The following REEP3 variants were observed in gnomAD, a reference collection of about 807,000 sequenced individuals.
The protein encoded by REEP3 is receptor accessory protein 3.
Under a neutral mutation model 41.3 loss-of-function variants are expected in REEP3, and 20 were observed. That is an observed-to-expected ratio of 0.48 (90% CI 0.34 to 0.70). The LOEUF (loss-of-function observed/expected upper bound fraction) is 0.70, where lower values mean the gene tolerates loss of function less well. REEP3 is among the 30% of genes least tolerant of loss of function. The pLI, the probability that REEP3 is intolerant of heterozygous loss-of-function variation, is 0.01. For synonymous variants in REEP3, 104 were observed against 101.8 expected (o/e 1.02, Z -0.13); for missense variants, 271 against 308.8 (o/e 0.88, Z 0.92).
intron 1 of REEP3, among the ~76,000 whole-genome samples, chr10:63,556,622 TTTTGTTG>T (rs1564477594): frequency 1.3e-4 from 11 of 82,128 alleles, no homozygotes; most frequent in East Asian, 1.0e-3. Flanking sequence ...TTGTTTTTTT[TTTTGTTG>T]TTTTGTTTTT....
intron 1 of REEP3, among the ~76,000 whole-genome samples, chr10:63,538,335 T>C (rs1955494538): frequency 6.6e-6 from 1 of 152,230 alleles, no homozygotes; most frequent in African/African-American, 2.4e-5. Context: ...GCCCAGAATC[T>C]GGATGGTTCT....
chr10:63,584,637 G>A (rs12765951), intron 2 of REEP3, among the ~76,000 whole-genome samples: 8 of 148,106 alleles, frequency 5.4e-5, no homozygotes, highest in African/African-American at 1.5e-4. Flanking sequence ...ATGATGGAGT[G>A]GGGGGGGAAT....
At chr10:63,575,133 C>T (rs1955887452) in intron 2 of REEP3, among the ~76,000 whole-genome samples, 2 of 152,104 alleles carry the variant, frequency 1.3e-5, no homozygotes, top group Admixed American at 1.3e-4. Context: ...AGATAACAGG[C>T]ATTAGCCACC....
intron 1 of REEP3, among the ~76,000 whole-genome samples, chr10:63,551,983 C>A (rs1375001624): frequency 1.3e-5 from 2 of 152,108 alleles, no homozygotes; most frequent in Admixed American, 6.5e-5. Context: ...TTCTGCAAAA[C>A]TGTTCTAAAA....
chr10:63,594,652 G>T, intron 2 of REEP3, 126 bp from the exon 3 acceptor site: 1 of 661,810 alleles, frequency 1.5e-6, no homozygotes, highest in South Asian at 1.9e-5. Flanking sequence ...AACATACTAT[G>T]TATCCAGAAA....
At chr10:63,568,650 ATTTTTT>A (rs10622553) in intron 2 of REEP3, among the ~76,000 whole-genome samples, 2 of 109,168 alleles carry the variant, frequency 1.8e-5, no homozygotes, top group Non-Finnish European at 3.6e-5. Flanking sequence ...ACAACCCAGA[ATTTTTT>A]TTTTTTTTTT....
intron 1 of REEP3, among the ~76,000 whole-genome samples, chr10:63,536,329 C>A (rs1288595167): frequency 6.6e-6 from 1 of 152,144 alleles, no homozygotes; most frequent in East Asian, 1.9e-4. Context: ...CATATCATCA[C>A]CCTATCAAGA....
At chr10:63,560,211 A>G (rs754430282) in intron 1 of REEP3, among the ~76,000 whole-genome samples, 1 of 152,162 alleles carries the variant, frequency 6.6e-6, no homozygotes, top group Non-Finnish European at 1.5e-5. Context: ...TTTGTTTTTC[A>G]TAATACTTTT....
intron 1 of REEP3, among the ~76,000 whole-genome samples, chr10:63,526,743 A>T (rs2133335762): frequency 6.6e-6 from 1 of 152,182 alleles, no homozygotes; most frequent in East Asian, 1.9e-4. Context: ...GTTACTTGAT[A>T]ATTTACTTGT....
chr10:63,594,933 T>A (rs1956099957), intron 3 of REEP3, 79 bp downstream of exon 3: 2 of 888,824 alleles, frequency 2.3e-6, no homozygotes, highest in Non-Finnish European at 3.8e-6. Flanking sequence ...CTCTTGCTAT[T>A]AACTGAGTGA....
At chr10:63,611,983 C>A (rs1184019050) in intron 6 of REEP3, among the ~76,000 whole-genome samples, 1 of 151,564 alleles carries the variant, frequency 6.6e-6, no homozygotes, top group Admixed American at 6.6e-5. Context: ...AATGAGCTTT[C>A]TTCCAAGAAT....
intron 3 of REEP3, among the ~76,000 whole-genome samples, chr10:63,595,231 C>T (rs1032536362): frequency 6.6e-5 from 10 of 152,194 alleles, no homozygotes; most frequent in Admixed American, 6.5e-4. Context: ...CCTCCCTATC[C>T]TATCCTTAAA....
intron 1 of REEP3, among the ~76,000 whole-genome samples, chr10:63,558,242 A>G (rs1326409370): frequency 6.6e-6 from 1 of 152,220 alleles, no homozygotes; most frequent in Non-Finnish European, 1.5e-5. Flanking sequence ...GATGACAGAT[A>G]GGTTTACCTA....
At position 63,521,594 on chromosome 10, in the gene REEP3, GC is replaced by G; in HGVS notation, c.32+18del. 7.1e-7 allele frequency: 1 copy of G among 1,400,186 alleles called. No individual in the cohort carries two copies. Among genetic ancestry groups the G allele is most frequent in the Non-Finnish European group, 9.4e-7 (1 of 1,063,570 alleles). 86.7% of individuals were successfully genotyped at this position (1,400,186 alleles called of 1,614,324 possible). Reference sequence around the variant, plus strand: ...AGCCGTGGTGTAAGTGCCTCTCACTGCGCCCTGCAGCCGGCGCGAGGCCCAG... The same window carrying G: ...AGCCGTGGTGTAAGTGCCTCTCACTGGCCCTGCAGCCGGCGCGAGGCCCAG... On this transcript the variant is annotated intron_variant, in intron 1 of 7. Transcript: ENST00000373758.
intron 4 of REEP3, among the ~76,000 whole-genome samples, chr10:63,598,799 A>AG (rs1564488827): frequency 6.6e-6 from 1 of 150,792 alleles, no homozygotes; most frequent in Non-Finnish European, 1.5e-5. Flanking sequence ...AAAAAAAAAA[A>AG]GAAGCGCCTG....
At chr10:63,556,684 G>T (rs1181125905) in intron 1 of REEP3, among the ~76,000 whole-genome samples, 1 of 125,158 alleles carries the variant, frequency 8.0e-6, no homozygotes, top group East Asian at 2.5e-4. Flanking sequence ...CGCCCAGGCT[G>T]GAGTGCAGTG....
chr10:63,613,187 T>C (rs563360050), intron 6 of REEP3, among the ~76,000 whole-genome samples: 9 of 152,230 alleles, frequency 5.9e-5, no homozygotes, highest in African/African-American at 1.9e-4. Context: ...AATTTTTATA[T>C]TTTTAGTAGA....
At chr10:63,599,767 T>G in intron 5 of REEP3, 1 of 755,808 alleles carries the variant, frequency 1.3e-6, no homozygotes, top group Non-Finnish European at 1.6e-6. Context: ...AACTTGGTAC[T>G]TAGCCAGTTA....
At chr10:63,593,561 C>T (rs1956085388) in intron 2 of REEP3, among the ~76,000 whole-genome samples, 1 of 152,082 alleles carries the variant, frequency 6.6e-6, no homozygotes, top group Admixed American at 6.6e-5. Flanking sequence ...ATTCCTCGCC[C>T]CCTGGTTGGC....
Sources: gnomAD v4.1 joint callset for allele counts (sites outside exome capture counted in the v4.1 genomes callset) on GRCh38, gnomAD v4.1.1 for gene constraint, MANE v1.5 for transcripts, NCBI Gene and HGNC (gene_info 2026-07-23, HGNC 2026-07-21) for gene names.